PRKG2: variants seen among roughly 807,000 people sequenced by gnomAD.
PRKG2 encodes cGMP-dependent protein kinase 2.
PRKG2 carries 33 observed loss-of-function variants against 97.2 expected under a neutral mutation model. That is an observed-to-expected ratio of 0.34 (90% CI 0.26 to 0.45). The LOEUF is 0.45. PRKG2 is among the 20% of genes least tolerant of loss of function. The pLI, the probability that PRKG2 is intolerant of heterozygous loss-of-function variation, is 1.00. For missense variants in PRKG2, 638 were observed against 900.0 expected, an observed-to-expected ratio of 0.71 and a Z score of 3.73; for synonymous variants, 330 against 321.8, an observed-to-expected ratio of 1.03 and a Z score of -0.27.
At chr4:81,167,477 A>C (rs965231587) in intron 5 of PRKG2, among the ~76,000 whole-genome samples, 1 of 152,148 alleles carries the variant, frequency 6.6e-6, no homozygotes, top group Admixed American at 6.6e-5. Flanking sequence ...CAGGGGGAAA[A>C]AAATCACATT....
chr4:81,191,268 T>C (rs561069333), intron 2 of PRKG2, among the ~76,000 whole-genome samples: 2 of 152,154 alleles, frequency 1.3e-5, no homozygotes, highest in South Asian at 4.1e-4. Flanking sequence ...AAAGGATGAG[T>C]TCATGTCCCT....
In PRKG2 at chr4:81,167,327, T is replaced by C. The variant is rs1057023979; in HGVS notation, c.849-103A>G. On this transcript the variant is annotated intron_variant, in intron 5 of 18. Transcript: ENST00000264399. ...TTTACATACATTTTAAAAAATATAATGCACTTTGATTCTTCCAAAGTAAAT... is the reference window on the plus strand; with the variant it reads ...TTTACATACATTTTAAAAAATATAACGCACTTTGATTCTTCCAAAGTAAAT... The C allele has an allele frequency of 3.8e-5, 25 of 660,572 alleles. No homozygotes were observed. The African/African-American group carries it at 3.9e-4, about 10-fold the overall frequency. The allele number at this position is 660,572 out of a possible 1,614,324, so 40.9% of individuals were successfully genotyped here.
intron 17 of PRKG2, among the ~76,000 whole-genome samples, chr4:81,100,514 T>C (rs1247994872): frequency 3.9e-5 from 6 of 152,278 alleles, no homozygotes; most frequent in Middle Eastern, 3.4e-3. Flanking sequence ...TAGCCATATG[T>C]AGAAAGCTGA....
At chr4:81,118,395 G>A (rs980287617) in intron 14 of PRKG2, among the ~76,000 whole-genome samples, 2 of 152,166 alleles carry the variant, frequency 1.3e-5, no homozygotes, top group African/African-American at 4.8e-5. Flanking sequence ...GGTATGAGTC[G>A]TTATGCAAGA....
rs191761258 is a variant in PRKG2 at position 81,189,741 on chromosome 4, C to T, written c.462-14782G>A. Among the ~76,000 whole-genome samples the T allele has an allele frequency of 5.8e-4, 84 of 146,046 alleles. 2 individuals carry two copies. The South Asian group carries it at 0.017, about 29-fold the overall frequency. ...CTAACCTGCACGTTGTGCACATGTA[C>T]CCTAAAACTTAAAGTATAATAAGAA... On this transcript the variant is annotated intron_variant, in intron 2 of 18. Coordinates refer to ENST00000264399, the MANE Select transcript of PRKG2 (RefSeq NM_006259.3).
At position 81,106,468 on chromosome 4, in the gene PRKG2, T is replaced by G. The variant is rs1180435324; in HGVS notation, c.1941-533A>C. ...TGAGGACAATATCGCATAGATGAAG[T>G]GGGCTATCAGAAGGACCTGGGGATA... On this transcript the variant is annotated intron_variant, in intron 15 of 18. Coordinates refer to ENST00000264399, the MANE Select transcript of PRKG2 (RefSeq NM_006259.3). Among the ~76,000 whole-genome samples, 3 of 152,008 alleles carry G rather than the reference T, an allele frequency of 2.0e-5. No individual in the cohort carries two copies. In the East Asian group the frequency reaches 5.8e-4, roughly 29 times the overall value.
At chr4:81,157,750 C>T (rs1749231749) in intron 6 of PRKG2, among the ~76,000 whole-genome samples, 1 of 151,780 alleles carries the variant, frequency 6.6e-6, no homozygotes, top group Non-Finnish European at 1.5e-5. Context: ...TGGGCTTCAT[C>T]CCTGGGATGC....
intron 2 of PRKG2, chr4:81,176,014 A>C (rs1406133107): frequency 1.3e-5 from 2 of 152,120 alleles, no homozygotes; most frequent in African/African-American, 2.4e-5. Flanking sequence ...ATCTTTTTCT[A>C]CACAAAAAGT....
intron 1 of PRKG2, among the ~76,000 whole-genome samples, chr4:81,207,940 A>C (rs552526724): frequency 6.6e-6 from 1 of 152,280 alleles, no homozygotes; most frequent in African/African-American, 2.4e-5. Flanking sequence ...CTATTTCTCA[A>C]ATATGTATTG....
At chr4:81,152,114 C>T in intron 7 of PRKG2, 60 bp from the exon 8 acceptor site, 1 of 1,272,586 alleles carries the variant, frequency 7.9e-7, no homozygotes, top group Non-Finnish European at 1.1e-6. Context: ...AATCTGAACA[C>T]ACATTCATTC....
intron 9 of PRKG2, among the ~76,000 whole-genome samples, chr4:81,144,857 G>A (rs112649937): frequency 0.14 from 21,216 of 148,634 alleles, 2,365 homozygotes; most frequent in East Asian, 0.46. Flanking sequence ...AACATGCAGC[G>A]TTTGGTTTTT....
chr4:81,089,446 T>A lies in PRKG2; in HGVS notation c.*262A>T. On this transcript the variant is annotated 3_prime_UTR_variant, in exon 19 of 19. Coordinates refer to ENST00000264399, the MANE Select transcript of PRKG2 (RefSeq NM_006259.3). ...GCCACTTTAACAAAAATGGCTCTGA[T>A]TGTGGAAAGGAAAATGGGGTAGCCT... 3.1e-6 allele frequency: 1 copy of A among 323,454 alleles called. No individual in the cohort carries two copies. Among genetic ancestry groups the A allele is most frequent in the Non-Finnish European group, 5.6e-6 (1 of 179,344 alleles). 20.0% of individuals were successfully genotyped at this position (323,454 alleles called of 1,614,324 possible). A position where few individuals can be genotyped will look rare whatever the true frequency, so the allele number is the denominator to read the frequency against.
intron 17 of PRKG2, among the ~76,000 whole-genome samples, chr4:81,097,383 T>C (rs1214030216): frequency 6.6e-6 from 1 of 152,152 alleles, no homozygotes; most frequent in Non-Finnish European, 1.5e-5. Flanking sequence ...TAAACAGATA[T>C]GGTGTCATTC....
At chr4:81,126,084 T>G (rs937934622) in intron 14 of PRKG2, among the ~76,000 whole-genome samples, 2 of 152,174 alleles carry the variant, frequency 1.3e-5, no homozygotes, top group African/African-American at 4.8e-5. Context: ...TGGGTCCATG[T>G]GCTCTCATCG....
intron 15 of PRKG2, among the ~76,000 whole-genome samples, chr4:81,107,968 A>G (rs28604504): frequency 0.29 from 43,419 of 151,808 alleles, 9,364 homozygotes; most frequent in African/African-American, 0.59. Context: ...ACTTTGAGAG[A>G]ATGAGGCGGG....
At chr4:81,158,051 T>C (rs530249159) in intron 6 of PRKG2, among the ~76,000 whole-genome samples, 1 of 149,420 alleles carries the variant, frequency 6.7e-6, no homozygotes, top group Non-Finnish European at 1.5e-5. Flanking sequence ...ACCACTCCTA[T>C]TCAACATAGT....
At position 81,208,363 on chromosome 4, in the gene PRKG2, G is replaced by C. The variant is rs1292873136; in HGVS notation, c.-13-3303C>G. Among the ~76,000 whole-genome samples, 4 of 152,114 alleles carry C rather than the reference G, an allele frequency of 2.6e-5. No individual in the cohort carries two copies. The East Asian group carries it at 7.7e-4, about 29-fold the overall frequency. ...CTAGGTGTGAAGAAAACCCAGAGAG[G>C]ATCATTTCTGGGTAGGACAGAAGTC... On this transcript the variant is annotated intron_variant, in intron 1 of 18. Coordinates refer to ENST00000264399, the MANE Select transcript of PRKG2 (RefSeq NM_006259.3).
At chr4:81,190,286 C>T (rs1183377475) in intron 2 of PRKG2, among the ~76,000 whole-genome samples, 1 of 152,112 alleles carries the variant, frequency 6.6e-6, no homozygotes, top group East Asian at 1.9e-4. Flanking sequence ...CATCTACAAC[C>T]ATCTGATCTT....
chr4:81,157,992 T>A (rs1053326076), intron 6 of PRKG2, among the ~76,000 whole-genome samples: 4 of 149,340 alleles, frequency 2.7e-5, no homozygotes, highest in Non-Finnish European at 5.9e-5. Context: ...GGGCAAAAAC[T>A]GGAAGCATTC....
Sources: gnomAD v4.1 joint callset for allele counts (sites outside exome capture counted in the v4.1 genomes callset) on GRCh38, gnomAD v4.1.1 for gene constraint, MANE v1.5 for transcripts, NCBI Gene and HGNC (gene_info 2026-07-23, HGNC 2026-07-21) for gene names.